The following VPS13B variants were observed in gnomAD, a reference collection of about 807,000 sequenced individuals.
The protein encoded by VPS13B is vacuolar protein sorting 13 homolog B.
A neutral mutation model predicts 426.4 loss-of-function variants in VPS13B; 285 were observed. The ratio of observed to expected loss-of-function variants is 0.67; its 90% CI spans 0.61 to 0.74. VPS13B has a LOEUF of 0.74. Ranked by LOEUF, VPS13B falls within the 30% of genes least tolerant of loss-of-function variation. The probability of loss-of-function intolerance (pLI) is 0.00; values close to 1 mark genes in which losing one functional copy is unlikely to be tolerated. For synonymous variants in VPS13B, 1,676 were observed against 1,676.4 expected (o/e 1.00, Z 0.01); for missense variants, 4,537 against 4,782.6 (o/e 0.95, Z 1.51).
intron 30 of VPS13B, among the ~76,000 whole-genome samples, chr8:99,546,367 A>G (rs1250921961): frequency 6.6e-6 from 1 of 152,030 alleles, no homozygotes; most frequent in Non-Finnish European, 1.5e-5. Flanking sequence ...ATCCAACAAC[A>G]TACAAATACA....
chr8:99,295,161 T>C (rs890932074), intron 19 of VPS13B, among the ~76,000 whole-genome samples: 3 of 152,124 alleles, frequency 2.0e-5, no homozygotes, highest in Non-Finnish European at 4.4e-5. Flanking sequence ...AATTGTCTCT[T>C]GGTACTAGGT....
rs551727983 is a variant in VPS13B, at chr8:99,128,920, A to G, written c.1207-5712A>G. Among the ~76,000 whole-genome samples, 4 of 152,222 alleles carry G rather than the reference A, an allele frequency of 2.6e-5. No homozygotes were observed. In the East Asian group the frequency reaches 7.7e-4, roughly 29 times the overall value. ...TTTGGGAGGCTGAGGCGGGCGGATC[A>G]TGAGGTCAGGAGTTCAAGACCAGCC... On this transcript the variant is annotated intron_variant, in intron 8 of 61. Transcript: ENST00000357162.
intron 17 of VPS13B, among the ~76,000 whole-genome samples, chr8:99,211,498 A>C (rs751780949): frequency 7.2e-5 from 11 of 152,190 alleles, no homozygotes; most frequent in Non-Finnish European, 1.3e-4. Context: ...CCTTCTTGGT[A>C]GATTTAGACA....
intron 17 of VPS13B, among the ~76,000 whole-genome samples, chr8:99,255,221 C>T (rs886330037): frequency 2.9e-4 from 44 of 151,972 alleles, no homozygotes; most frequent in Admixed American, 2.4e-3. Context: ...GTTTTTATGT[C>T]GTTGTCCATT....
At chr8:99,095,920 T>C (rs1030087825) in intron 3 of VPS13B, among the ~76,000 whole-genome samples, 2 of 152,158 alleles carry the variant, frequency 1.3e-5, no homozygotes, top group Non-Finnish European at 2.9e-5. Flanking sequence ...TGTTTTAACA[T>C]ATAAACAACA....
chr8:99,647,473 A>G (rs934472380), intron 34 of VPS13B, among the ~76,000 whole-genome samples: 1 of 151,848 alleles, frequency 6.6e-6, no homozygotes, highest in African/African-American at 2.4e-5. Flanking sequence ...AGGCGGAAGA[A>G]TCACTTAAAA....
chr8:99,627,835 A>G (rs541939370), intron 33 of VPS13B, among the ~76,000 whole-genome samples: 4 of 152,344 alleles, frequency 2.6e-5, no homozygotes, highest in African/African-American at 9.6e-5. Flanking sequence ...CCCTCAAATT[A>G]CATGCACACA....
chr8:99,778,954 A>G lies in VPS13B; in HGVS notation c.7702A>G (p.Ile2568Val). The G allele has an allele frequency of 1.2e-6, 2 of 1,613,992 alleles. No individual in the cohort carries two copies. Among genetic ancestry groups the G allele is most frequent in the South Asian group, 1.1e-5 (1 of 91,080 alleles). Residue 2568 changes from isoleucine (I) to valine (V), a missense_variant, in exon 42 of 62, where the codon ATA becomes GTA. By Grantham distance (29) the Ile-to-Val change is conservative. This residue lies in a region of VPS13B where 4,311 missense variants were observed against 4,474.3 expected (regional missense o/e 0.96). Transcript: ENST00000357162. Reference protein sequence around the residue: ...VVEKLLDCTVIVDSVFVNLGQ... With the variant: ...VVEKLLDCTVVVDSVFVNLGQ... ...GGAAAAGCTGCTTGACTGCACCGTGATAGTTGATTCTGTATTTGTAAACCT... is the reference window on the plus strand; with the variant it reads ...GGAAAAGCTGCTTGACTGCACCGTGGTAGTTGATTCTGTATTTGTAAACCT...
chr8:99,755,291 C>A (rs1232904643), intron 39 of VPS13B, among the ~76,000 whole-genome samples: 1 of 152,110 alleles, frequency 6.6e-6, no homozygotes, highest in Non-Finnish European at 1.5e-5. Context: ...GGTTCCAGAC[C>A]TTTAGGGAAG....
At chr8:99,865,150 G>A (rs1268366965) in intron 58 of VPS13B, among the ~76,000 whole-genome samples, 1 of 152,138 alleles carries the variant, frequency 6.6e-6, no homozygotes, top group African/African-American at 2.4e-5. Context: ...AAGAGCAACG[G>A]CTTTTGGAAA....
chr8:99,192,101 T>C (rs971869632), intron 16 of VPS13B, among the ~76,000 whole-genome samples: 74 of 152,340 alleles, frequency 4.9e-4, no homozygotes, highest in African/African-American at 1.6e-3. Context: ...TAACCTTCAG[T>C]ATAAACTTGT....
intron 33 of VPS13B, among the ~76,000 whole-genome samples, chr8:99,600,825 A>T (rs546834944): frequency 7.2e-4 from 110 of 152,266 alleles, no homozygotes; most frequent in Non-Finnish European, 1.2e-3. Context: ...TGTAGGCATC[A>T]GCTATTCCTA....
At chr8:99,202,825 C>T (rs927045891) in intron 17 of VPS13B, among the ~76,000 whole-genome samples, 2 of 151,652 alleles carry the variant, frequency 1.3e-5, no homozygotes, top group African/African-American at 2.4e-5. Flanking sequence ...GTCAGGAGAT[C>T]GAGACCATCC....
At chr8:99,101,377 C>CT (rs1234969170) in intron 4 of VPS13B, among the ~76,000 whole-genome samples, 1 of 152,164 alleles carries the variant, frequency 6.6e-6, no homozygotes, top group Non-Finnish European at 1.5e-5. Context: ...TGTGATCTGC[C>CT]TGCCTTGGCC....
chr8:99,708,272 G>A (rs1832569418), intron 36 of VPS13B, among the ~76,000 whole-genome samples: 1 of 151,982 alleles, frequency 6.6e-6, no homozygotes. Flanking sequence ...CAGATTGGAG[G>A]GGAAGAAAGA....
At position 99,274,234 on chromosome 8, in the gene VPS13B, G is replaced by A. The variant is rs1251819735; in HGVS notation, c.2552G>A (p.Gly851Asp). 1.2e-6 allele frequency: 2 copies of A among 1,613,956 alleles called. No individual in the cohort carries two copies. The highest frequency in any genetic ancestry group is 1.7e-6 in the Non-Finnish European group (2 of 1,180,012). The change falls in exon 18 of 62, where the codon GGC becomes GAC. Residue 851 changes from glycine to aspartate, a missense_variant. By Grantham distance (94) the Gly-to-Asp change is moderately conservative. Around this residue, in one of 2 missense-constraint regions of VPS13B, gnomAD observed 4,311 missense variants for 4,474.3 expected, o/e 0.96. Transcript: ENST00000357162. ...AAGAATCCCCTGCCAACTCTTGAGG[G>A]CTCAATCCAGAATGTTGAATTGAAG... ...KSKNPLPTLE[G>D]SIQNVELKYC...
At chr8:99,533,922 A>G (rs1823057668) in intron 30 of VPS13B, among the ~76,000 whole-genome samples, 1 of 152,086 alleles carries the variant, frequency 6.6e-6, no homozygotes, top group Admixed American at 6.6e-5. Flanking sequence ...CCTCCTCCCA[A>G]CTTTTAATTT....
At chr8:99,100,173 A>C (rs940601207) in intron 4 of VPS13B, among the ~76,000 whole-genome samples, 1 of 152,186 alleles carries the variant, frequency 6.6e-6, no homozygotes, top group Non-Finnish European at 1.5e-5. Context: ...TTTAGTAAGG[A>C]AACAGTGATA....
At chr8:99,534,879 G>A (rs1338623486) in intron 30 of VPS13B, among the ~76,000 whole-genome samples, 1 of 152,138 alleles carries the variant, frequency 6.6e-6, no homozygotes, top group African/African-American at 2.4e-5. Flanking sequence ...AGTGTAACCT[G>A]CACATCATCA....
Sources: allele counts gnomAD v4.1 joint callset (sites outside exome capture counted in the v4.1 genomes callset), GRCh38; gene constraint gnomAD v4.1.1; regional missense constraint gnomAD v4.1.1; transcripts MANE v1.5; gene names NCBI Gene and HGNC (gene_info 2026-07-23, HGNC 2026-07-21).